Variants in DIP2C observed in about 807,000 individuals in gnomAD.
DIP2C encodes the protein DIP2 acetate--CoA ligase C (putative).
A neutral mutation model predicts 192.4 loss-of-function variants in DIP2C; 33 were observed. The observed-to-expected ratio is 0.17, with a 90% CI of 0.13 to 0.23. The LOEUF is 0.23. Ranked by LOEUF, DIP2C falls within the 10% of genes least tolerant of loss-of-function variation. DIP2C has a pLI of 1.00. For synonymous variants in DIP2C, 979 were observed against 864.1 expected, an observed-to-expected ratio of 1.13 and a Z score of -2.33; for missense variants, 1,537 against 2,110.1, an observed-to-expected ratio of 0.73 and a Z score of 5.32.
At chr10:281,374 C>T (rs991823786) in intron 35 of DIP2C, 51 bp from the exon 36 acceptor site, 25 of 1,503,690 alleles carry the variant, frequency 1.7e-5, no homozygotes, top group Admixed American at 2.0e-5. Context: ...CCGCTCAAGC[C>T]GTTTCCTTCT....
At chr10:315,112 T>C (rs1956721450) in intron 31 of DIP2C, among the ~76,000 whole-genome samples, 1 of 152,218 alleles carries the variant, frequency 6.6e-6, no homozygotes, top group Non-Finnish European at 1.5e-5. Flanking sequence ...TCACACAGTG[T>C]TATGTGCTAT....
chr10:539,422 G>C (rs930095904), intron 1 of DIP2C, among the ~76,000 whole-genome samples: 1 of 152,154 alleles, frequency 6.6e-6, no homozygotes, highest in Non-Finnish European at 1.5e-5. Context: ...GAGCAATCTT[G>C]ACATGACTGA....
chr10:556,588 C>T (rs1275426162), intron 1 of DIP2C, among the ~76,000 whole-genome samples: 1 of 151,490 alleles, frequency 6.6e-6, no homozygotes, highest in East Asian at 2.0e-4. Context: ...TCCAACGTGT[C>T]ACCATCTGCT....
At chr10:447,624 T>TA (rs1968376835) in intron 3 of DIP2C, among the ~76,000 whole-genome samples, 3 of 115,186 alleles carry the variant, frequency 2.6e-5, no homozygotes, top group African/African-American at 3.8e-5. Flanking sequence ...CATCCCTGTC[T>TA]ATACTCAGGA....
intron 3 of DIP2C, among the ~76,000 whole-genome samples, chr10:444,829 C>T (rs1253650638): frequency 6.6e-6 from 1 of 152,216 alleles, no homozygotes; most frequent in Admixed American, 6.5e-5. Context: ...CATGTTTCTC[C>T]AGCTGAGAGA....
intron 1 of DIP2C, among the ~76,000 whole-genome samples, chr10:515,092 A>G (rs1433481247): frequency 4.6e-5 from 7 of 152,212 alleles, no homozygotes; most frequent in African/African-American, 1.7e-4. Context: ...CACTATTAAG[A>G]ATTATAAACG....
At chr10:365,017 G>T (rs1255681055) in intron 19 of DIP2C, 1 of 532,096 alleles carries the variant, frequency 1.9e-6, no homozygotes. Context: ...CTTGTTGGAA[G>T]TATGCTGAAA....
intron 3 of DIP2C, among the ~76,000 whole-genome samples, chr10:445,454 G>C (rs1049447615): frequency 6.7e-6 from 1 of 149,964 alleles, no homozygotes; most frequent in Non-Finnish European, 1.5e-5. Context: ...CTGTTGTGAA[G>C]AGTCTCACAG....
chr10:607,897 G>A (rs1214852147), intron 1 of DIP2C, among the ~76,000 whole-genome samples: 2 of 151,968 alleles, frequency 1.3e-5, no homozygotes, highest in African/African-American at 4.8e-5. Context: ...CATTCGCTAA[G>A]ACGTACGACT....
chr10:289,271 GTT>G (rs60832771), intron 32 of DIP2C, among the ~76,000 whole-genome samples: 2,562 of 147,242 alleles, frequency 0.017, 63 homozygotes, highest in African/African-American at 0.057. Flanking sequence ...CCCCAGTGAT[GTT>G]TTTTTTTTTT....
At chr10:579,063 ATGTG>A (rs1232803215) in intron 1 of DIP2C, among the ~76,000 whole-genome samples, 1 of 152,096 alleles carries the variant, frequency 6.6e-6, no homozygotes, top group Non-Finnish European at 1.5e-5. Flanking sequence ...AGTGCACAAC[ATGTG>A]TATGTGCATA....
At chr10:353,441 T>G (rs1337738524) in intron 24 of DIP2C, among the ~76,000 whole-genome samples, 1 of 152,230 alleles carries the variant, frequency 6.6e-6, no homozygotes, top group African/African-American at 2.4e-5. Context: ...CAGGTTGGAG[T>G]GCAGTGGCAT....
At chr10:487,503 C>T (rs1390207389) in intron 1 of DIP2C, among the ~76,000 whole-genome samples, 1 of 149,070 alleles carries the variant, frequency 6.7e-6, no homozygotes, top group African/African-American at 2.5e-5. Flanking sequence ...GAACACAAGG[C>T]TGACGTCTCA....
intron 4 of DIP2C, among the ~76,000 whole-genome samples, chr10:432,638 C>T (rs572516529): frequency 5.8e-4 from 88 of 152,214 alleles, no homozygotes; most frequent in African/African-American, 2.0e-3. Flanking sequence ...ATTTTCTCTA[C>T]TGATTTTCTG....
At chr10:605,832 C>A (rs116402311) in intron 1 of DIP2C, among the ~76,000 whole-genome samples, 6 of 152,346 alleles carry the variant, frequency 3.9e-5, no homozygotes, top group African/African-American at 1.4e-4. Flanking sequence ...AAGGAGGAAG[C>A]GTCCTCCAAA....
At chr10:436,876 G>A (rs1326368356) in intron 4 of DIP2C, among the ~76,000 whole-genome samples, 1 of 140,112 alleles carries the variant, frequency 7.1e-6, no homozygotes, top group Non-Finnish European at 1.5e-5. Context: ...ACATGGTAGG[G>A]TGATATGCTC....
intron 28 of DIP2C, among the ~76,000 whole-genome samples, chr10:344,409 T>C (rs1190775783): frequency 4.7e-5 from 6 of 128,682 alleles, no homozygotes; most frequent in African/African-American, 1.8e-4. Context: ...CGGGGGGGGG[T>C]TTGCACGGCA....
chr10:425,720 T>C lies in DIP2C; in HGVS notation c.395-2687A>G, dbSNP rs188318724. ...GAAGTAAATACCAGAGCGACAGGAA[T>C]TCAGGTTAACATTCAAAAGTGAATT... On this transcript the variant is annotated intron_variant, in intron 4 of 36. Transcript: ENST00000280886. Among the ~76,000 whole-genome samples the C allele has an allele frequency of 3.8e-3, 579 of 152,306 alleles. 2 individuals are homozygous for C. Among genetic ancestry groups the C allele is most frequent in the Middle Eastern group, 0.01 (3 of 294 alleles).
At position 472,497 on chromosome 10, in the gene DIP2C, G is replaced by A. The variant is rs148545889; in HGVS notation, c.210C>T (p.Ser70=). 1.8e-4 allele frequency: 284 copies of A among 1,614,178 alleles called. 1 individual carries two copies. In the Admixed American group the frequency reaches 3.7e-3, roughly 21 times the overall value. ...QERRAPVTPS[S]ASRYHRRRSS... is the part of the protein sequence containing the mutation. Reference sequence around the variant, plus strand: ...ACCGTCGGCGGTGGTAGCGAGAGGCGGAGGAAGGAGTGACAGGAGCCCGGC... The same window carrying A: ...ACCGTCGGCGGTGGTAGCGAGAGGCAGAGGAAGGAGTGACAGGAGCCCGGC... The change falls in exon 3 of 37, where the codon TCC becomes TCT. Residue 70 remains serine (S), a synonymous_variant. Transcript: ENST00000280886.
Sources: allele counts gnomAD v4.1 joint callset (sites outside exome capture counted in the v4.1 genomes callset), GRCh38; gene constraint gnomAD v4.1.1; transcripts MANE v1.5; gene names NCBI Gene and HGNC (gene_info 2026-07-23, HGNC 2026-07-21).